Variants in GABRD observed in about 807,000 individuals in gnomAD.
The protein encoded by GABRD is gamma-aminobutyric acid receptor subunit delta.
GABRD carries 25 observed loss-of-function variants against 47.3 expected under a neutral mutation model. The ratio of observed to expected loss-of-function variants is 0.53; its 90% confidence interval spans 0.39 to 0.74. The LOEUF is 0.74. GABRD is among the 30% of genes least tolerant of loss of function. The pLI is 0.00. For synonymous variants in GABRD, 314 were observed against 278.8 expected (o/e 1.13, Z -1.26); for missense variants, 497 against 643.4 (o/e 0.77, Z 2.46).
At chr1:2,029,801 G>A in intron 8 of GABRD, 39 bp downstream of exon 8, 1 of 1,589,518 alleles carries the variant, frequency 6.3e-7, no homozygotes, top group East Asian at 2.2e-5. Context: ...GCACTGCTGG[G>A]GGCCCCAACC....
chr1:2,023,110 C>T (rs1242421303), intron 1 of GABRD, among the ~76,000 whole-genome samples: 3 of 152,020 alleles, frequency 2.0e-5, no homozygotes, highest in African/African-American at 7.3e-5. Context: ...GGAGAGTGTC[C>T]ACCTCCCAGC....
intron 1 of GABRD, among the ~76,000 whole-genome samples, chr1:2,020,460 G>T (rs556089155): frequency 2.0e-5 from 3 of 152,366 alleles, no homozygotes; most frequent in African/African-American, 7.2e-5. Flanking sequence ...ACCCAACACG[G>T]GGCGGTGTGT....
Position 2,030,374 on chromosome 1 carries a change from C to T in GABRD, c.*92C>T, listed in dbSNP as rs1043760563. 7.6e-6 allele frequency: 9 copies of T among 1,185,008 alleles called. No individual in the cohort carries two copies. In the Admixed American group the frequency reaches 2.4e-4, roughly 32 times the overall value. The allele number at this position is 1,185,008 out of a possible 1,614,324, so 73.4% of individuals were successfully genotyped here. A position where few individuals can be genotyped will look rare whatever the true frequency, so the allele number is the denominator to read the frequency against. On this transcript the variant is annotated 3_prime_UTR_variant, in exon 9 of 9. Transcript: ENST00000378585. ...AGAAAGAGCCCTCGGGCTGCCTTCCCCTCTGCGTGTTTCGAAGTGGGATGA... is the reference window on the plus strand; with the variant it reads ...AGAAAGAGCCCTCGGGCTGCCTTCCTCTCTGCGTGTTTCGAAGTGGGATGA...
rs1557447559 is a variant in GABRD, at chr1:2,028,355, C to T, written c.691+63C>T. The T allele has an allele frequency of 1.4e-6, 2 of 1,450,482 alleles. No homozygotes were observed. Among genetic ancestry groups the T allele is most frequent in the East Asian group, 5.4e-5 (2 of 36,708 alleles). 89.9% of individuals were successfully genotyped at this position (1,450,482 alleles called of 1,614,324 possible). A position where few individuals can be genotyped will look rare whatever the true frequency, so the allele number is the denominator to read the frequency against. ...CGCCCCTTCCGCGCGCGCCCACCGC[C>T]CCTTCCGCGCGCGCCCACCGCCCCT... is the stretch of plus-strand genomic sequence containing the variant. On this transcript the variant is annotated intron_variant, in intron 6 of 8. Transcript: ENST00000378585. This position sits in a 1 kb window ranked among gnomAD's most constrained non-coding sequence, Gnocchi z 6.4.
chr1:2,026,309 C>T (rs1319734536), intron 4 of GABRD, among the ~76,000 whole-genome samples: 1 of 152,230 alleles, frequency 6.6e-6, no homozygotes, highest in Non-Finnish European at 1.5e-5. Context: ...CACGGTTCAT[C>T]CCAGTGGAAG....
chr1:2,028,381 T>C lies in GABRD; in HGVS notation c.691+89T>C, dbSNP rs988826851. The C allele has an allele frequency of 1.6e-6, 2 of 1,289,044 alleles. No individual in the cohort carries two copies. Among genetic ancestry groups the C allele is most frequent in the Non-Finnish European group, 2.0e-6 (2 of 1,002,720 alleles). The allele number at this position is 1,289,044 out of a possible 1,614,324, so 79.9% of individuals were successfully genotyped here. On this transcript the variant is annotated intron_variant, in intron 6 of 8. Transcript: ENST00000378585. The surrounding 1 kb of genome is among the most constrained non-coding windows in gnomAD (Gnocchi z 6.4). ...CCTTCCGCGCGCGCCCACCGCCCCT[T>C]CCGCGTGCGCCCGCCTGTGGTTTTC...
intron 4 of GABRD, chr1:2,027,115 A>G: frequency 3.5e-6 from 1 of 283,870 alleles, no homozygotes; most frequent in East Asian, 1.1e-4. Context: ...GTGAGTCAAG[A>G]TTGCACCACT....
At chr1:2,029,788 A>G (rs777901210) in intron 8 of GABRD, 26 bp downstream of exon 8, 1 of 1,598,918 alleles carries the variant, frequency 6.3e-7, no homozygotes, top group East Asian at 2.2e-5. Context: ...CGAGCCAGGG[A>G]CAGCACTGCT....
At chr1:2,020,261 GC>G (rs983881803) in intron 1 of GABRD, among the ~76,000 whole-genome samples, 5 of 152,210 alleles carry the variant, frequency 3.3e-5, no homozygotes, top group African/African-American at 1.2e-4. Flanking sequence ...AGGCAACTTG[GC>G]CCCACCACGG....
At chr1:2,024,730 C>A in intron 1 of GABRD, 1 of 476,952 alleles carries the variant, frequency 2.1e-6, no homozygotes, top group Non-Finnish European at 3.8e-6. Flanking sequence ...CAGGTCAGGG[C>A]CAGTGGAAGA....
intron 4 of GABRD, chr1:2,027,076 A>G (rs1571029522): frequency 4.7e-6 from 1 of 213,610 alleles, no homozygotes; most frequent in African/African-American, 2.4e-5. Flanking sequence ...AGGATTACCC[A>G]CCTCAAGCCC....
chr1:2,027,368 A>C (rs537142074), intron 4 of GABRD: 38 of 610,656 alleles, frequency 6.2e-5, no homozygotes, highest in Admixed American at 1.4e-4. Context: ...AGAATGAATG[A>C]AATCCAGTTC....
Position 2,025,681 on chromosome 1 carries a change from C to A in GABRD, c.413C>A (p.Thr138Lys), listed in dbSNP as rs1189990506. 6.2e-7 allele frequency: 1 copy of A among 1,612,990 alleles called. No homozygotes were observed. The highest frequency in any genetic ancestry group is 1.7e-5 in the Admixed American group (1 of 60,030). Residue 138 changes from threonine to lysine, a missense_variant, in exon 4 of 9, where the codon ACG becomes AAG. Thr to Lys is a moderately conservative substitution (Grantham distance 78). Transcript: ENST00000378585. ...NAKSAWFHDV[T>K]VENKLIRLQP... is the part of the protein sequence containing the mutation. ...AAGTCGGCCTGGTTCCACGACGTGA[C>A]GGTGGAGAACAAGCTCATCCGGCTG... is the stretch of plus-strand genomic sequence containing the variant.
chr1:2,027,607 C>T lies in GABRD; in HGVS notation c.501C>T (p.Asp167=). 1 of 1,613,838 alleles carries T rather than the reference C, an allele frequency of 6.2e-7. No homozygotes were observed. Among genetic ancestry groups the T allele is most frequent in the Non-Finnish European group, 8.5e-7 (1 of 1,179,970 alleles). ...CCTCCACTGTGGCCTGCGACATGGA[C>T]CTGGCCAAATACCCCATGGACGAGC... ...RITSTVACDM[D]LAKYPMDEQE... is the part of the protein sequence containing the mutation. The change falls in exon 5 of 9, where the codon GAC becomes GAT. Residue 167 remains aspartate, a synonymous_variant. Transcript: ENST00000378585.
chr1:2,030,341 T>A lies in GABRD; in HGVS notation c.*59T>A. ...CGCCCGGCGGCAGCTGCCCAGAAAC[T>A]TCCTGGGAGAAAGAGCCCTCGGGCT... On this transcript the variant is annotated 3_prime_UTR_variant, in exon 9 of 9. Coordinates refer to ENST00000378585, the MANE Select transcript of GABRD (RefSeq NM_000815.5). 1 of 1,438,026 alleles carries A rather than the reference T, an allele frequency of 7.0e-7. No homozygotes were observed. Among genetic ancestry groups the A allele is most frequent in the Non-Finnish European group, 9.2e-7 (1 of 1,083,290 alleles). The allele number at this position is 1,438,026 out of a possible 1,614,324, so 89.1% of individuals were successfully genotyped here.
At chr1:2,026,145 C>T (rs1235447224) in intron 4 of GABRD, among the ~76,000 whole-genome samples, 3 of 152,226 alleles carry the variant, frequency 2.0e-5, no homozygotes, top group Non-Finnish European at 4.4e-5. Flanking sequence ...AGCAGGTGCT[C>T]TCCACTCCGC....
intron 1 of GABRD, among the ~76,000 whole-genome samples, chr1:2,021,385 T>C (rs1289455531): frequency 6.6e-6 from 1 of 152,104 alleles, no homozygotes; most frequent in South Asian, 2.1e-4. Context: ...GTGCTGTCCA[T>C]GAAGGGCCTC....
chr1:2,019,598 C>A, intron 1 of GABRD, 107 bp downstream of exon 1: 1 of 640,644 alleles, frequency 1.6e-6, no homozygotes, highest in Non-Finnish European at 2.0e-6. Flanking sequence ...GGGCCCCGGA[C>A]CCCAAGTCTG....
At chr1:2,019,731 T>G (rs1050844332) in intron 1 of GABRD, among the ~76,000 whole-genome samples, 9 of 151,910 alleles carry the variant, frequency 5.9e-5, no homozygotes, top group African/African-American at 1.7e-4. Flanking sequence ...CCCGGTGCTG[T>G]CCGCCGTCCT....
Sources: gnomAD v4.1 joint callset for allele counts (sites outside exome capture counted in the v4.1 genomes callset) on GRCh38, gnomAD v4.1.1 for gene constraint, Gnocchi (gnomAD v3.1) non-coding constraint, MANE v1.5 for transcripts, NCBI Gene and HGNC (gene_info 2026-07-23, HGNC 2026-07-21) for gene names.